POU5F1: variants seen among roughly 807,000 people sequenced by gnomAD.
POU5F1 encodes the protein POU domain, class 5, transcription factor 1.
POU5F1 carries 6 observed loss-of-function variants against 38.3 expected under a neutral mutation model. The observed-to-expected ratio is 0.16, with a 90% CI of 0.09 to 0.31. The LOEUF (loss-of-function observed/expected upper bound fraction) is 0.31, where lower values mean the gene tolerates loss of function less well. Ranked by LOEUF, POU5F1 falls within the 10% of genes least tolerant of loss-of-function variation. The pLI is 1.00. For missense variants in POU5F1, 286 were observed against 462.6 expected, an observed-to-expected ratio of 0.62 and a Z score of 3.50; for synonymous variants, 147 against 194.9, an observed-to-expected ratio of 0.75 and a Z score of 2.05.
Position 31,170,679 on chromosome 6 carries a change from A to G in POU5F1, c.-59T>C, listed in dbSNP as rs1034777697. On this transcript the variant is annotated 5_prime_UTR_variant, in exon 1 of 5. Coordinates refer to ENST00000259915, the MANE Select transcript of POU5F1 (RefSeq NM_002701.6). ...TGAAATGAGGGCTTGCGAAGGGACT[A>G]CTCAACCCCTCTCTCCCTCCCCAGT... 2 of 1,488,706 alleles carry G rather than the reference A, an allele frequency of 1.3e-6. No individual in the cohort carries two copies. The highest frequency in any genetic ancestry group is 1.4e-5 in the African/African-American group (1 of 71,254). The allele number at this position is 1,488,706 out of a possible 1,614,324, so 92.2% of individuals were successfully genotyped here.
chr6:31,168,913 A>G (rs1777474695), intron 1 of POU5F1, among the ~76,000 whole-genome samples: 1 of 152,188 alleles, frequency 6.6e-6, no homozygotes, highest in Non-Finnish European at 1.5e-5. Flanking sequence ...AGCTAGTGAG[A>G]AAAAAACAAG....
chr6:31,168,243 T>C (rs1301827534), intron 1 of POU5F1, among the ~76,000 whole-genome samples: 11 of 150,804 alleles, frequency 7.3e-5, no homozygotes, highest in Admixed American at 7.3e-4. Flanking sequence ...CTCACCTTTT[T>C]TTTTTTTTTT....
chr6:31,165,800 A>C lies in POU5F1; in HGVS notation c.527-99T>G, dbSNP rs755546995. 1.9e-6 allele frequency: 3 copies of C among 1,557,976 alleles called. No homozygotes were observed. Among genetic ancestry groups the C allele is most frequent in the Non-Finnish European group, 2.6e-6 (3 of 1,148,382 alleles). On this transcript the variant is annotated intron_variant, in intron 2 of 4. Coordinates refer to ENST00000259915, the MANE Select transcript of POU5F1 (RefSeq NM_002701.6). This position sits in a 1 kb window ranked among gnomAD's most constrained non-coding sequence, Gnocchi z 6.5. ...TACCACCTCTTCCCAGAGGGAGCTC[A>C]AAGCATCTTCTCCCTCTCCCTACTC...
In POU5F1 at chr6:31,164,394, G is replaced by A; in HGVS notation, c.*207C>T. On this transcript the variant is annotated 3_prime_UTR_variant, in exon 5 of 5. Transcript: ENST00000259915. ...TTTATTTAAGAAAAAAGTGATACATGATGTGGGATTAAAATCAAGAGCATC... is the reference window on the plus strand; with the variant it reads ...TTTATTTAAGAAAAAAGTGATACATAATGTGGGATTAAAATCAAGAGCATC... 2 of 1,102,372 alleles carry A rather than the reference G, an allele frequency of 1.8e-6. No homozygotes were observed. Among genetic ancestry groups the A allele is most frequent in the Non-Finnish European group, 2.6e-6 (2 of 782,502 alleles). 68.3% of individuals were successfully genotyped at this position (1,102,372 alleles called of 1,614,324 possible). A position where few individuals can be genotyped will look rare whatever the true frequency, so the allele number is the denominator to read the frequency against.
intron 1 of POU5F1, chr6:31,167,070 G>T: frequency 3.7e-6 from 2 of 534,402 alleles, no homozygotes; most frequent in Non-Finnish European, 3.5e-6. Flanking sequence ...TATACAAAGT[G>T]GACAAAGAGC....
At chr6:31,168,455 G>A (rs1027085075) in intron 1 of POU5F1, among the ~76,000 whole-genome samples, 2 of 152,096 alleles carry the variant, frequency 1.3e-5, no homozygotes, top group Non-Finnish European at 2.9e-5. Flanking sequence ...GGCTGGACTC[G>A]AACTCCCGAC....
intron 1 of POU5F1, chr6:31,166,274 C>T (rs1288712416): frequency 6.5e-7 from 1 of 1,534,364 alleles, no homozygotes; most frequent in Non-Finnish European, 8.8e-7. Context: ...ACTACTCTTC[C>T]CCCAGAAACT....
At chr6:31,166,213 C>T (rs1437341593) in intron 1 of POU5F1, 166 bp from the exon 2 acceptor site, 4 of 1,558,162 alleles carry the variant, frequency 2.6e-6, no homozygotes, top group African/African-American at 2.7e-5. Context: ...AACCTACCCA[C>T]AAATGTCATT....
At chr6:31,166,934 G>A in intron 1 of POU5F1, 1 of 1,165,978 alleles carries the variant, frequency 8.6e-7, no homozygotes, top group Non-Finnish European at 1.1e-6. Flanking sequence ...AAAGTGCTTT[G>A]TGTGTACTTA....
In POU5F1 at chr6:31,165,130, C is replaced by G. The variant is rs1390168415; in HGVS notation, c.814G>C (p.Asp272His). ...HIAQQLGLEK[D>H]VVRVWFCNRR... ...CCGCAGAGAGACATGGCACTCACAT[C>G]CTTCTCGAGCCCAAGCTGCTGGGCG... The change falls in exon 4 of 5, where the codon GAT (aspartate) becomes CAT (histidine). Residue 272 changes from aspartate to histidine, a missense_variant and splice_region_variant. Physicochemically the swap from Asp to His is moderately conservative, Grantham distance 81. This residue lies in a region of POU5F1 where 110 missense variants were observed against 277.8 expected (regional missense o/e 0.40). Coordinates refer to ENST00000259915, the MANE Select transcript of POU5F1 (RefSeq NM_002701.6). This position sits in a 1 kb window ranked among gnomAD's most constrained non-coding sequence, Gnocchi z 6.5. 1 of 1,607,716 alleles carries G rather than the reference C, an allele frequency of 6.2e-7. No individual in the cohort carries two copies. The highest frequency in any genetic ancestry group is 8.5e-7 in the Non-Finnish European group (1 of 1,177,426).
intron 1 of POU5F1, 28 bp downstream of exon 1, chr6:31,170,188 C>A: frequency 6.2e-7 from 1 of 1,612,756 alleles, no homozygotes; most frequent in Non-Finnish European, 8.5e-7. Context: ...CACCTCCCCA[C>A]ACCCCAACCC....
At chr6:31,167,958 A>AC (rs1554136001) in intron 1 of POU5F1, among the ~76,000 whole-genome samples, 199 of 151,766 alleles carry the variant, frequency 1.3e-3, no homozygotes, top group Non-Finnish European at 2.3e-3. Context: ...TTTTCTCCCC[A>AC]CCAAGACGGA....
chr6:31,164,595 G>A lies in POU5F1; in HGVS notation c.*6C>T. ...CCTGTCCCCCATTCCTAGAAGGGCAGGCACCTCAGTTTGAATGCATGGGAG... is the reference window on the plus strand; with the variant it reads ...CCTGTCCCCCATTCCTAGAAGGGCAAGCACCTCAGTTTGAATGCATGGGAG... On this transcript the variant is annotated 3_prime_UTR_variant, in exon 5 of 5. Transcript: ENST00000259915. The A allele has an allele frequency of 6.3e-7, 1 of 1,585,796 alleles. No homozygotes were observed. The highest frequency in any genetic ancestry group is 8.6e-7 in the Non-Finnish European group (1 of 1,165,846).
Position 31,165,886 on chromosome 6 carries a change from T to TA in POU5F1, c.526+40dup. The TA allele has an allele frequency of 6.2e-7, 1 of 1,612,268 alleles. No homozygotes were observed. The highest frequency in any genetic ancestry group is 8.5e-7 in the Non-Finnish European group (1 of 1,178,916). On this transcript the variant is annotated intron_variant, in intron 2 of 4. Coordinates refer to ENST00000259915, the MANE Select transcript of POU5F1 (RefSeq NM_002701.6). This position sits in a 1 kb window ranked among gnomAD's most constrained non-coding sequence, Gnocchi z 6.5. The stretch of plus-strand genomic sequence containing the variant: ...CCCCACTAGGTTCAGGGATACTCCT[T>TA]AGAGGGGAGATGCGGTCAGAATCTG...
chr6:31,165,464 A>C lies in POU5F1; in HGVS notation c.657+107T>G. ...GAACTGAGGAATTTCACTCCATCCC[A>C]CTGAGAACCACTGCACCAAAGACGG... On this transcript the variant is annotated intron_variant, in intron 3 of 4. Transcript: ENST00000259915. This position sits in a 1 kb window ranked among gnomAD's most constrained non-coding sequence, Gnocchi z 6.5. 32 of 1,591,932 alleles carry C rather than the reference A, an allele frequency of 2.0e-5. No individual in the cohort carries two copies. Among genetic ancestry groups the C allele is most frequent in the Non-Finnish European group, 2.7e-5 (32 of 1,168,662 alleles).
chr6:31,167,096 G>GTCGGC (rs1409890798), intron 1 of POU5F1: 5 of 500,396 alleles, frequency 1.0e-5, no homozygotes, highest in Non-Finnish European at 1.9e-5. Flanking sequence ...CATCCAGCAT[G>GTCGGC]ACAGAAGTGC....
chr6:31,166,923 T>C (rs1268187140), intron 1 of POU5F1: 49 of 1,270,072 alleles, frequency 3.9e-5, no homozygotes, highest in Non-Finnish European at 4.5e-5. Flanking sequence ...TAAGAATGGA[T>C]AAAGTGCTTT....
In POU5F1 at chr6:31,170,277, C is replaced by T; in HGVS notation, c.344G>A (p.Cys115Tyr). The T allele has an allele frequency of 1.9e-6, 3 of 1,612,890 alleles. No individual in the cohort carries two copies. Among genetic ancestry groups the T allele is most frequent in the South Asian group, 1.1e-5 (1 of 91,068 alleles). Residue 115 changes from cysteine to tyrosine, a missense_variant, in exon 1 of 5, where the codon TGC (cysteine) becomes TAC (tyrosine). By Grantham distance (194) the Cys-to-Tyr change is radical. Around this residue, in one of 2 missense-constraint regions of POU5F1, gnomAD observed 176 missense variants for 184.8 expected, o/e 0.95. Coordinates refer to ENST00000259915, the MANE Select transcript of POU5F1 (RefSeq NM_002701.6). Reference sequence around the variant, plus strand: ...CTTCACGGCACCAGGGGTGACGGTGCAGGGCTCCGGGGAGGCCCCATCGGA... The same window carrying T: ...CTTCACGGCACCAGGGGTGACGGTGTAGGGCTCCGGGGAGGCCCCATCGGA... ...SNSDGASPEP[C>Y]TVTPGAVKLE...
chr6:31,166,942 T>TGAC, intron 1 of POU5F1: 1 of 930,712 alleles, frequency 1.1e-6, no homozygotes, highest in Non-Finnish European at 1.4e-6. Context: ...TTGTGTGTAC[T>TGAC]TACTCATTTT....
Sources: allele counts gnomAD v4.1 joint callset (sites outside exome capture counted in the v4.1 genomes callset), GRCh38; gene constraint gnomAD v4.1.1; regional missense constraint gnomAD v4.1.1; non-coding constraint Gnocchi (gnomAD v3.1); transcripts MANE v1.5; gene names NCBI Gene and HGNC (gene_info 2026-07-23, HGNC 2026-07-21).